GPI: variants seen among roughly 807,000 people sequenced by gnomAD.
The protein encoded by GPI is glucose-6-phosphate isomerase, also known as D-hexose-6-phosphate anomerase.
GPI carries 56 observed loss-of-function variants against 75.8 expected under a neutral mutation model. That is an observed-to-expected ratio of 0.74 (90% CI 0.60 to 0.92). The LOEUF (loss-of-function observed/expected upper bound fraction) is 0.92. Among genes scored for constraint, GPI ranks in the 40% least tolerant of loss-of-function variants. GPI has a pLI of 0.00. For synonymous variants in GPI, 288 were observed against 285.4 expected, an observed-to-expected ratio of 1.01 and a Z score of -0.09; for missense variants, 638 against 741.0, an observed-to-expected ratio of 0.86 and a Z score of 1.61.
At chr19:34,364,406 G>T (rs544793009), upstream of GPI, among the ~76,000 whole-genome samples, 57 of 148,320 alleles carry the variant, frequency 3.8e-4, no homozygotes, top group South Asian at 0.012. Context: ...TTTTGAGATG[G>T]AGTCTCACTC....
chr19:34,378,995 C>G lies in GPI; in HGVS notation c.695C>G (p.Ala232Gly). ...ACGGCGAAGGAGTGGTTTCTCCAGG[C>G]GGCCAAGGATGTGAGTGGGCTATAG... ...AETAKEWFLQ[A>G]AKDPSAVAKH... Residue 232 changes from alanine to glycine, a missense_variant, in exon 7 of 18, where the codon GCG (alanine) becomes GGG (glycine). Transcript: ENST00000356487. The G allele has an allele frequency of 1.1e-5, 18 of 1,613,940 alleles. No homozygotes were observed. The highest frequency in any genetic ancestry group is 1.4e-5 in the Non-Finnish European group (16 of 1,179,776).
intron 6 of GPI, among the ~76,000 whole-genome samples, chr19:34,378,128 G>A (rs566536612): frequency 6.6e-6 from 1 of 152,168 alleles, no homozygotes; most frequent in African/African-American, 2.4e-5. Flanking sequence ...CTCGCCTTGC[G>A]GCATCTCTGC....
chr19:34,362,623 A>C (rs887080149), upstream of GPI, among the ~76,000 whole-genome samples: 5 of 149,734 alleles, frequency 3.3e-5, no homozygotes, highest in Admixed American at 3.3e-4. Flanking sequence ...CTGAACTCCA[A>C]ACAGACACTA....
At chr19:34,385,440 A>G (rs558414407) in intron 9 of GPI, among the ~76,000 whole-genome samples, 1 of 151,952 alleles carries the variant, frequency 6.6e-6, no homozygotes, top group African/African-American at 2.4e-5. Context: ...GGCCAGGTAC[A>G]GGTATGTAGG....
intron 4 of GPI, chr19:34,368,905 A>G (rs2074408293): frequency 4.6e-6 from 3 of 652,298 alleles, no homozygotes; most frequent in Admixed American, 2.3e-5. Context: ...GCTCTGAAGG[A>G]ATCTGCTGCT....
chr19:34,366,998 T>C lies in GPI; in HGVS notation c.282+147T>C, dbSNP rs777032838. On this transcript the variant is annotated intron_variant, in intron 3 of 17. Coordinates refer to ENST00000356487, the MANE Select transcript of GPI (RefSeq NM_000175.5). ...GGCCTGAAGGCCTTTTTCCTCCTGCTTGTAGCAGGGCTTTGGGGTGTGCCT... is the reference window on the plus strand; with the variant it reads ...GGCCTGAAGGCCTTTTTCCTCCTGCCTGTAGCAGGGCTTTGGGGTGTGCCT... 4.2e-6 allele frequency: 3 copies of C among 722,188 alleles called. No individual in the cohort carries two copies. In the South Asian group the frequency reaches 4.4e-5, roughly 11 times the overall value. The allele number at this position is 722,188 out of a possible 1,614,324, so 44.7% of individuals were successfully genotyped here.
intron 8 of GPI, among the ~76,000 whole-genome samples, chr19:34,380,661 C>T (rs1182116602): frequency 6.6e-6 from 1 of 152,196 alleles, no homozygotes; most frequent in Admixed American, 6.5e-5. Flanking sequence ...GTCTGCCTGG[C>T]CTCGAGGTTG....
At chr19:34,379,990 GTTTTTTTTTTT>G (rs953154032) in intron 8 of GPI, 4 of 102,560 alleles carry the variant, frequency 3.9e-5, no homozygotes, top group East Asian at 2.7e-4. Context: ...GTGTGGTTTT[GTTTTTTTTTTT>G]TTTTTTTTTT....
At chr19:34,375,053 A>T (rs1040696669) in intron 4 of GPI, among the ~76,000 whole-genome samples, 1 of 151,482 alleles carries the variant, frequency 6.6e-6, no homozygotes, top group Non-Finnish European at 1.5e-5. Flanking sequence ...TTTTATTATG[A>T]CCACACTGTA....
At position 34,399,241 on chromosome 19, in the gene GPI, C is replaced by A; in HGVS notation, c.1304C>A (p.Ala435Asp). 6 of 1,613,720 alleles carry A rather than the reference C, an allele frequency of 3.7e-6. No individual in the cohort carries two copies. Among genetic ancestry groups the A allele is most frequent in the Non-Finnish European group, 5.1e-6 (6 of 1,179,930 alleles). The change falls in exon 15 of 18, where the codon GCC becomes GAC. Residue 435 changes from alanine to aspartate, a missense_variant. Physicochemically the swap from Ala to Asp is moderately radical, Grantham distance 126. Coordinates refer to ENST00000356487, the MANE Select transcript of GPI (RefSeq NM_000175.5). The stretch of plus-strand genomic sequence containing the variant: ...GCCAACTTCTTGGCCCAGACAGAGG[C>A]CCTGATGAGGGGAAAATCGACGGAG... ...LLANFLAQTE[A>D]LMRGKSTEEA...
At chr19:34,373,580 A>T (rs2074488306) in intron 4 of GPI, among the ~76,000 whole-genome samples, 1 of 151,992 alleles carries the variant, frequency 6.6e-6, no homozygotes, top group Admixed American at 6.6e-5. Context: ...AAAAAAATTA[A>T]AAGAAAATTG....
chr19:34,393,004 C>T lies in GPI; in HGVS notation c.805-244C>T. The T allele has an allele frequency of 1.8e-6, 1 of 563,010 alleles. No individual in the cohort carries two copies. Among genetic ancestry groups the T allele is most frequent in the Non-Finnish European group, 3.2e-6 (1 of 309,568 alleles). 34.9% of individuals were successfully genotyped at this position (563,010 alleles called of 1,614,324 possible). A position where few individuals can be genotyped will look rare whatever the true frequency, so the allele number is the denominator to read the frequency against. ...TGGTGTCTGCAGAGACAGGGCCCGACATCTCAGGGAAGACCACGGTAAGCT... is the reference window on the plus strand; with the variant it reads ...TGGTGTCTGCAGAGACAGGGCCCGATATCTCAGGGAAGACCACGGTAAGCT... On this transcript the variant is annotated intron_variant, in intron 9 of 17. Transcript: ENST00000356487. This position sits in a 1 kb window ranked among gnomAD's most constrained non-coding sequence, Gnocchi z 4.4.
At chr19:34,396,959 C>T (rs1301875762) in intron 14 of GPI, among the ~76,000 whole-genome samples, 1 of 152,124 alleles carries the variant, frequency 6.6e-6, no homozygotes, top group African/African-American at 2.4e-5. Flanking sequence ...TACTGGCACT[C>T]ACCACCATGG....
Position 34,393,825 on chromosome 19 carries a change from G to A in GPI, c.909+54G>A, listed in dbSNP as rs1760441681. 2 of 1,607,338 alleles carry A rather than the reference G, an allele frequency of 1.2e-6. No homozygotes were observed. Among genetic ancestry groups the A allele is most frequent in the South Asian group, 1.1e-5 (1 of 90,944 alleles). ...GTGCTGGCCAGAGGCGCGTGTGTTG[G>A]TCCTGGTCCCCCGCTTTCTCCCCCA... On this transcript the variant is annotated intron_variant, in intron 11 of 17. Coordinates refer to ENST00000356487, the MANE Select transcript of GPI (RefSeq NM_000175.5). The surrounding 1 kb of genome is among the most constrained non-coding windows in gnomAD (Gnocchi z 4.4).
intron 13 of GPI, 26 bp from the exon 14 acceptor site, chr19:34,396,555 G>A (rs955662217): frequency 1.2e-6 from 2 of 1,612,660 alleles, no homozygotes; most frequent in African/African-American, 2.7e-5. Flanking sequence ...CTGGGGTCAT[G>A]TGGGTGACCA....
Position 34,393,756 on chromosome 19 carries a change from G to A in GPI, c.894G>A (p.Ser298=), listed in dbSNP as rs149509953. ...TTGACAACTTCGAGCAGCTGCTCTC[G>A]GGGGCTCACTGGATGGTGAGTGCTG... ...VGFDNFEQLL[S]GAHWMDQHFR... is the part of the protein sequence containing the mutation. Residue 298 remains serine (S), a synonymous_variant, in exon 11 of 18, where the codon TCG becomes TCA. Transcript: ENST00000356487. This position sits in a 1 kb window ranked among gnomAD's most constrained non-coding sequence, Gnocchi z 4.4. The A allele has an allele frequency of 2.7e-5, 43 of 1,612,898 alleles. No homozygotes were observed. Among genetic ancestry groups the A allele is most frequent in the African/African-American group, 2.4e-4 (18 of 74,870 alleles).
Position 34,393,411 on chromosome 19 carries a change from G to C in GPI, c.865+103G>C. The C allele has an allele frequency of 1.1e-6, 1 of 927,970 alleles. No individual in the cohort carries two copies. Among genetic ancestry groups the C allele is most frequent in the Non-Finnish European group, 1.8e-6 (1 of 554,896 alleles). 57.5% of individuals were successfully genotyped at this position (927,970 alleles called of 1,614,324 possible). A position where few individuals can be genotyped will look rare whatever the true frequency, so the allele number is the denominator to read the frequency against. ...CCTGAACATCATGCTGTCCTCACAG[G>C]CTGCTGGCCTCTCTGCAGCTGGCTG... On this transcript the variant is annotated intron_variant, in intron 10 of 17. Transcript: ENST00000356487. This position sits in a 1 kb window ranked among gnomAD's most constrained non-coding sequence, Gnocchi z 4.4.
Position 34,400,402 on chromosome 19 carries a change from C to T in GPI, c.*366C>T. On this transcript the variant is annotated 3_prime_UTR_variant, in exon 18 of 18. Coordinates refer to ENST00000356487, the MANE Select transcript of GPI (RefSeq NM_000175.5). ...TGTAGCAGAGGGCAGGAGCGCTCAG[C>T]AGGACGCAGGCTGTGCCTCTGCGGA... 1 of 594,346 alleles carries T rather than the reference C, an allele frequency of 1.7e-6. No individual in the cohort carries two copies. The highest frequency in any genetic ancestry group is 3.0e-6 in the Non-Finnish European group (1 of 335,330). 36.8% of individuals were successfully genotyped at this position (594,346 alleles called of 1,614,324 possible). A position where few individuals can be genotyped will look rare whatever the true frequency, so the allele number is the denominator to read the frequency against.
intron 6 of GPI, among the ~76,000 whole-genome samples, 187 bp from the exon 7 acceptor site, chr19:34,378,747 C>T (rs530682574): frequency 3.3e-5 from 5 of 152,212 alleles, no homozygotes; most frequent in South Asian, 2.1e-4. Flanking sequence ...GTGTGTTTAC[C>T]GTCCCCCCTC....
Sources: allele counts gnomAD v4.1 joint callset (sites outside exome capture counted in the v4.1 genomes callset), GRCh38; gene constraint gnomAD v4.1.1; non-coding constraint Gnocchi (gnomAD v3.1); transcripts MANE v1.5; gene names NCBI Gene and HGNC (gene_info 2026-07-23, HGNC 2026-07-21).